The following FAT1 variants were observed in gnomAD, a reference collection of about 807,000 sequenced individuals.
FAT1 encodes protocadherin Fat 1.
FAT1 carries 171 observed loss-of-function variants against 329.8 expected under a neutral mutation model. That is an observed-to-expected ratio of 0.52 (90% confidence interval 0.46 to 0.59). The LOEUF (loss-of-function observed/expected upper bound fraction) is 0.59, where lower values mean the gene tolerates loss of function less well. Among genes scored for constraint, FAT1 ranks in the 20% least tolerant of loss-of-function variants. The pLI is 0.00. For missense variants in FAT1, 5,672 were observed against 5,774.4 expected (o/e 0.98, Z 0.57); for synonymous variants, 2,233 against 2,228.6 (o/e 1.00, Z -0.06).
At chr4:186,712,106 T>C in intron 1 of FAT1, among the ~76,000 whole-genome samples, 1 of 152,240 alleles carries the variant, frequency 6.6e-6, no homozygotes, top group East Asian at 1.9e-4. Context: ...AAAGTTATCA[T>C]GCAGCCATTA....
rs754516419 is a variant in FAT1, at chr4:186,628,377, G to A, written c.4600-13C>T. The A allele has an allele frequency of 6.2e-6, 10 of 1,611,242 alleles. No individual in the cohort carries two copies. Among genetic ancestry groups the A allele is most frequent in the Non-Finnish European group, 7.6e-6 (9 of 1,178,290 alleles). ...CTTGATCTCGTACCTAAAAAGAATT[G>A]ACACATTATCAATCCCATTGGTGCT... On this transcript the variant is annotated splice_polypyrimidine_tract_variant and intron_variant, in intron 8 of 26. Coordinates refer to ENST00000441802, the MANE Select transcript of FAT1 (RefSeq NM_005245.4).
At chr4:186,605,807 G>A (rs925208588) in intron 17 of FAT1, among the ~76,000 whole-genome samples, 12 of 152,066 alleles carry the variant, frequency 7.9e-5, no homozygotes, top group Non-Finnish European at 1.8e-4. Flanking sequence ...AGCACCAGTG[G>A]CAGCAGGTCT....
chr4:186,720,544 C>T (rs1342366911), intron 1 of FAT1, among the ~76,000 whole-genome samples: 1 of 152,200 alleles, frequency 6.6e-6, no homozygotes, highest in Non-Finnish European at 1.5e-5. Context: ...TCACACTTCC[C>T]TCAGAACTCA....
chr4:186,592,239 A>C (rs989771950), intron 26 of FAT1, among the ~76,000 whole-genome samples: 6 of 151,578 alleles, frequency 4.0e-5, no homozygotes, highest in Admixed American at 3.9e-4. Context: ...CACTAAACCA[A>C]ATATGAAAAT....
In FAT1 at chr4:186,628,518, T is replaced by A; in HGVS notation, c.4569A>T (p.Glu1523Asp). The A allele has an allele frequency of 6.2e-7, 1 of 1,614,024 alleles. No individual in the cohort carries two copies. The highest frequency in any genetic ancestry group is 8.5e-7 in the Non-Finnish European group (1 of 1,179,898). ...CCGTGAGGGTGTGCTGGTGAACAGCTTCATGATCCAGTTTCTCAGAAGTAT... is the reference window on the plus strand; with the variant it reads ...CCGTGAGGGTGTGCTGGTGAACAGCATCATGATCCAGTTTCTCAGAAGTAT... ...SLYTSEKLDH[E>D]AVHQHTLTVM... Residue 1523 changes from glutamate to aspartate, a missense_variant, in exon 8 of 27, where the codon GAA (glutamate) becomes GAT (aspartate). Coordinates refer to ENST00000441802, the MANE Select transcript of FAT1 (RefSeq NM_005245.4).
intron 2 of FAT1, among the ~76,000 whole-genome samples, chr4:186,686,572 A>G (rs2126652519): frequency 6.6e-6 from 1 of 152,324 alleles, no homozygotes; most frequent in South Asian, 2.1e-4. Context: ...GCCTAAAGTC[A>G]GCAACTTTAA....
At chr4:186,607,729 G>A (rs1444241282) in intron 16 of FAT1, among the ~76,000 whole-genome samples, 1 of 151,792 alleles carries the variant, frequency 6.6e-6, no homozygotes, top group East Asian at 1.9e-4. Context: ...GTAGGTGAGT[G>A]GGGAGATGCA....
Position 186,603,264 on chromosome 4 carries a change from C to T in FAT1, c.11262G>A (p.Val3754=), listed in dbSNP as rs2126425432. The T allele has an allele frequency of 1.2e-6, 2 of 1,613,904 alleles. No homozygotes were observed. The highest frequency in any genetic ancestry group is 1.7e-6 in the Non-Finnish European group (2 of 1,179,852). ...PWKFCDEKVS[V]DESVMSTHST... ...TGTGTGTTGACATCACACTTTCATC[C>T]ACAGACACCTTTTCATCGCAGAACT... Residue 3754 remains valine, a synonymous_variant, in exon 19 of 27, where the codon GTG becomes GTA. Coordinates refer to ENST00000441802, the MANE Select transcript of FAT1 (RefSeq NM_005245.4).
Position 186,598,090 on chromosome 4 carries a change from T to C in FAT1, c.12139A>G (p.Thr4047Ala). ...YCKCSALYIG[T>A]HCEISVNPCS... ...GGATTGACGCTTATCTCACAGTGGG[T>C]CCCTATGTACAAGGCACTGCATTTG... Residue 4047 changes from threonine to alanine, a missense_variant, in exon 23 of 27, where the codon ACC becomes GCC. Coordinates refer to ENST00000441802, the MANE Select transcript of FAT1 (RefSeq NM_005245.4). The C allele has an allele frequency of 6.2e-7, 1 of 1,613,702 alleles. No individual in the cohort carries two copies. Among genetic ancestry groups the C allele is most frequent in the Non-Finnish European group, 8.5e-7 (1 of 1,179,820 alleles).
At chr4:186,724,161 G>C, upstream of FAT1, among the ~76,000 whole-genome samples, 1 of 102,902 alleles carries the variant, frequency 9.7e-6, no homozygotes, top group Non-Finnish European at 1.8e-5. This position sits in a 1 kb window ranked among gnomAD's most constrained non-coding sequence, Gnocchi z 5.3. Flanking sequence ...TCCCTGCCAA[G>C]AAAGGGAAAC....
chr4:186,691,908 T>C (rs1743779922), intron 2 of FAT1, among the ~76,000 whole-genome samples: 1 of 151,984 alleles, frequency 6.6e-6, no homozygotes. Flanking sequence ...AATAAACATG[T>C]ATGCTTTACT....
At chr4:186,631,649 G>A (rs558756937) in intron 7 of FAT1, among the ~76,000 whole-genome samples, 3 of 144,976 alleles carry the variant, frequency 2.1e-5, no homozygotes, top group Non-Finnish European at 3.0e-5. Flanking sequence ...CCATTCCTGC[G>A]GTATCCTAGT....
rs773557171 is a variant in FAT1, at chr4:186,614,294, G to C, written c.9126C>G (p.Ile3042Met). The part of the protein sequence containing the change: ...IPEDVLPGKL[I>M]MQISATDADI... ...CTGCGTCTGTAGCAGAGATCTGCAT[G>C]ATCAATTTTCCAGGAAGGACGTCTT... The change falls in exon 12 of 27, where the codon ATC becomes ATG. Residue 3042 changes from isoleucine to methionine, a missense_variant. Transcript: ENST00000441802. 6.3e-7 allele frequency: 1 copy of C among 1,588,302 alleles called. No homozygotes were observed. The highest frequency in any genetic ancestry group is 1.2e-5 in the South Asian group (1 of 85,480).
At position 186,603,988 on chromosome 4, in the gene FAT1, A is replaced by G. The variant is rs2126436284; in HGVS notation, c.10549-11T>C. 1 of 1,595,760 alleles carries G rather than the reference A, an allele frequency of 6.3e-7. No individual in the cohort carries two copies. The highest frequency in any genetic ancestry group is 8.6e-7 in the Non-Finnish European group (1 of 1,165,974). On this transcript the variant is annotated splice_polypyrimidine_tract_variant and intron_variant, in intron 18 of 26. Coordinates refer to ENST00000441802, the MANE Select transcript of FAT1 (RefSeq NM_005245.4). Reference sequence around the variant, plus strand: ...TCCATTATCTGCCACCTACAAGAAAAGAAAAATAAAATCACCTTTGTCTAT... The same window carrying G: ...TCCATTATCTGCCACCTACAAGAAAGGAAAAATAAAATCACCTTTGTCTAT...
chr4:186,723,608 G>T (rs765247661), intron 1 of FAT1, 56 bp downstream of exon 1: 6 of 152,274 alleles, frequency 3.9e-5, no homozygotes, highest in African/African-American at 1.4e-4. Context: ...AGTCCGCACC[G>T]CAGCGCGCTG....
chr4:186,625,636 C>T (rs1740263438), intron 9 of FAT1, among the ~76,000 whole-genome samples: 1 of 152,254 alleles, frequency 6.6e-6, no homozygotes, highest in African/African-American at 2.4e-5. Context: ...ATTCTCTAAA[C>T]TCATTATGAA....
At position 186,590,462 on chromosome 4, in the gene FAT1, A is replaced by G; in HGVS notation, c.13139-1242T>C. The G allele has an allele frequency of 3.5e-6, 4 of 1,151,390 alleles. No individual in the cohort carries two copies. In the South Asian group the frequency reaches 5.1e-5, roughly 15 times the overall value. The allele number at this position is 1,151,390 out of a possible 1,614,324, so 71.3% of individuals were successfully genotyped here. A position where few individuals can be genotyped will look rare whatever the true frequency, so the allele number is the denominator to read the frequency against. Reference sequence around the variant, plus strand: ...TTTGTAATTAAAACAGTCGGCTGAAAAGGCAATAAAGGTAAGTACACAGAA... The same window carrying G: ...TTTGTAATTAAAACAGTCGGCTGAAGAGGCAATAAAGGTAAGTACACAGAA... On this transcript the variant is annotated intron_variant, in intron 26 of 26. Coordinates refer to ENST00000441802, the MANE Select transcript of FAT1 (RefSeq NM_005245.4).
rs368994365 is a variant in FAT1 at position 186,618,517 on chromosome 4, T to C, written c.8069A>G (p.Tyr2690Cys). Residue 2690 changes from tyrosine to cysteine, a missense_variant, in exon 10 of 27, where the codon TAT becomes TGT. Tyr to Cys is a radical substitution (Grantham distance 194). Transcript: ENST00000441802. ...SPSKESVVLV[Y>C]VKILPPEMQL... Reference sequence around the variant, plus strand: ...CATTTCCGGTGGAAGGATTTTAACATAGACAAGAACAACAGATTCTTTTGA... The same window carrying C: ...CATTTCCGGTGGAAGGATTTTAACACAGACAAGAACAACAGATTCTTTTGA... 1.5e-5 allele frequency: 24 copies of C among 1,613,910 alleles called. No homozygotes were observed. The East Asian group carries it at 2.0e-4, about 13-fold the overall frequency.
rs1320775877 is a variant in FAT1, at chr4:186,600,111, C to G, written c.11890G>C (p.Gly3964Arg). The G allele has an allele frequency of 6.2e-7, 1 of 1,614,072 alleles. No individual in the cohort carries two copies. The highest frequency in any genetic ancestry group is 1.3e-5 in the African/African-American group (1 of 75,074). Reference protein sequence around the residue: ...GHIRQQGTRHGRSPQVGNGFR... With the variant: ...GHIRQQGTRHRRSPQVGNGFR... ...CCATTACCAACTTGAGGACTTCTTCCATGCCTTGTTCCCTGCTGACGGATG... is the reference window on the plus strand; with the variant it reads ...CCATTACCAACTTGAGGACTTCTTCGATGCCTTGTTCCCTGCTGACGGATG... Residue 3964 changes from glycine (G) to arginine (R), a missense_variant, in exon 22 of 27, where the codon GGA becomes CGA. Transcript: ENST00000441802.
Sources: allele counts gnomAD v4.1 joint callset (sites outside exome capture counted in the v4.1 genomes callset), GRCh38; gene constraint gnomAD v4.1.1; non-coding constraint Gnocchi (gnomAD v3.1); transcripts MANE v1.5; gene names NCBI Gene and HGNC (gene_info 2026-07-23, HGNC 2026-07-21).